HEATR5B: variants seen among roughly 807,000 people sequenced by gnomAD.
HEATR5B encodes HEAT repeat-containing protein 5B.
Under a neutral mutation model 224.1 loss-of-function variants are expected in HEATR5B, and 156 were observed. The observed-to-expected ratio is 0.70, with a 90% confidence interval of 0.61 to 0.80. The LOEUF is 0.80. HEATR5B is among the 30% of genes least tolerant of loss of function. The pLI is 0.00. For missense variants in HEATR5B, 2,323 were observed against 2,535.5 expected (o/e 0.92, Z 1.80); for synonymous variants, 1,027 against 893.0 (o/e 1.15, Z -2.68).
intron 7 of HEATR5B, among the ~76,000 whole-genome samples, chr2:37,069,411 T>A (rs1327916554): frequency 2.0e-5 from 3 of 152,232 alleles, no homozygotes; most frequent in Non-Finnish European, 4.4e-5. Flanking sequence ...TTTCATCTTA[T>A]TAGGTGTTAA....
chr2:37,047,284 C>T lies in HEATR5B; in HGVS notation c.2696+2369G>A, dbSNP rs1670265983. Among the ~76,000 whole-genome samples the T allele has an allele frequency of 2.6e-5, 4 of 152,220 alleles. No individual in the cohort carries two copies. The South Asian group carries it at 8.3e-4, about 32-fold the overall frequency. ...ATCCTTGGATAAGTAATCTTTACCTCTCTAAGCCTCCATTTCTCTAAGTGA... is the reference window on the plus strand; with the variant it reads ...ATCCTTGGATAAGTAATCTTTACCTTTCTAAGCCTCCATTTCTCTAAGTGA... On this transcript the variant is annotated intron_variant, in intron 18 of 35. Transcript: ENST00000233099.
intron 21 of HEATR5B, among the ~76,000 whole-genome samples, chr2:37,037,616 AATTTT>A (rs1475416040): frequency 6.6e-6 from 1 of 152,222 alleles, no homozygotes; most frequent in Non-Finnish European, 1.5e-5. Flanking sequence ...AGTCAATAAT[AATTTT>A]AATTGTACAT....
At chr2:37,084,193 G>A (rs893751750) in intron 1 of HEATR5B, 76 bp downstream of exon 1, 2 of 322,834 alleles carry the variant, frequency 6.2e-6, no homozygotes, top group African/African-American at 4.3e-5. Flanking sequence ...GAACTCAAAT[G>A]TCTTCCCCAC....
rs757984204 is a variant in HEATR5B, at chr2:37,068,834, G to A, written c.1024C>T (p.Arg342Trp). 1 of 1,614,058 alleles carries A rather than the reference G, an allele frequency of 6.2e-7. No homozygotes were observed. ...GCCTCCACATGTGTTTGTGTTGCCCGAGGATGGGAAACCAGATCAAGTACA... is the reference window on the plus strand; with the variant it reads ...GCCTCCACATGTGTTTGTGTTGCCCAAGGATGGGAAACCAGATCAAGTACA... ...SHVLDLVSHPRATQTHVEAVY... is the reference protein window; with the variant it reads ...SHVLDLVSHPWATQTHVEAVY... The change falls in exon 8 of 36, where the codon CGG (arginine) becomes TGG (tryptophan). Residue 342 changes from arginine to tryptophan, a missense_variant. By Grantham distance (101) the Arg-to-Trp change is moderately radical (BLOSUM62 -3). Coordinates refer to ENST00000233099, the MANE Select transcript of HEATR5B (RefSeq NM_019024.3).
At chr2:37,027,810 T>C in intron 24 of HEATR5B, 113 bp downstream of exon 24, 1 of 1,051,434 alleles carries the variant, frequency 9.5e-7, no homozygotes, top group Non-Finnish European at 1.4e-6. Flanking sequence ...TTACAATAAA[T>C]AAATGGCATA....
chr2:37,015,466 G>T (rs1668054767), intron 26 of HEATR5B, among the ~76,000 whole-genome samples: 1 of 152,196 alleles, frequency 6.6e-6, no homozygotes, highest in Non-Finnish European at 1.5e-5. Flanking sequence ...TAAAAAAGGA[G>T]AAGCATCTGA....
intron 12 of HEATR5B, among the ~76,000 whole-genome samples, chr2:37,059,651 A>G (rs1332651845): frequency 6.6e-6 from 1 of 151,562 alleles, no homozygotes; most frequent in Non-Finnish European, 1.5e-5. Context: ...TTTAGTAGAG[A>G]CAAGGTTTCA....
rs554173588 is a variant in HEATR5B at position 36,984,449 on chromosome 2, T to C, written c.5912-2655A>G. Among the ~76,000 whole-genome samples, 15 of 151,604 alleles carry C rather than the reference T, an allele frequency of 9.9e-5. No homozygotes were observed. In the East Asian group the frequency reaches 2.9e-3, roughly 29 times the overall value. On this transcript the variant is annotated intron_variant, in intron 35 of 35. Transcript: ENST00000233099. ...GAATTCACCAAGAGAATCACAAAACTGAGGAATACTTTGGGATTTTATTTG... is the reference window on the plus strand; with the variant it reads ...GAATTCACCAAGAGAATCACAAAACCGAGGAATACTTTGGGATTTTATTTG...
chr2:37,069,414 G>A (rs764758691), intron 7 of HEATR5B, among the ~76,000 whole-genome samples: 4 of 151,928 alleles, frequency 2.6e-5, no homozygotes, highest in Non-Finnish European at 5.9e-5. Flanking sequence ...CATCTTATTA[G>A]GTGTTAATTA....
In HEATR5B at chr2:37,079,240, G is replaced by C. The variant is rs1219824269; in HGVS notation, c.218C>G (p.Ala73Gly). The C allele has an allele frequency of 1.2e-6, 2 of 1,610,042 alleles. No individual in the cohort carries two copies. The highest frequency in any genetic ancestry group is 1.7e-6 in the Non-Finnish European group (2 of 1,176,410). ...SPGPPTRKLL[A>G]KNLAALYSIG... ...GCTATAAAGGGCTGCGAGATTTTTAGCTAATAATTTTCGTGTAGGTGGTCC... is the reference window on the plus strand; with the variant it reads ...GCTATAAAGGGCTGCGAGATTTTTACCTAATAATTTTCGTGTAGGTGGTCC... The change falls in exon 3 of 36, where the codon GCT becomes GGT. Residue 73 changes from alanine to glycine, a missense_variant. Physicochemically the swap from Ala to Gly is moderately conservative, Grantham distance 60 (BLOSUM62 0). This residue lies in a region of HEATR5B where 292 missense variants were observed against 332.6 expected (regional missense o/e 0.88). Coordinates refer to ENST00000233099, the MANE Select transcript of HEATR5B (RefSeq NM_019024.3).
intron 17 of HEATR5B, among the ~76,000 whole-genome samples, chr2:37,050,121 G>A (rs901819521): frequency 6.6e-6 from 1 of 152,062 alleles, no homozygotes; most frequent in South Asian, 2.1e-4. Context: ...TCAAACTCCT[G>A]AGCTCAAGCA....
At position 37,013,973 on chromosome 2, in the gene HEATR5B, A is replaced by G; in HGVS notation, c.4152T>C (p.Asp1384=). The change falls in exon 27 of 36, where the codon GAT becomes GAC. Residue 1384 remains aspartate, a synonymous_variant. Transcript: ENST00000233099. The stretch of plus-strand genomic sequence containing the variant: ...CAAGAAGATTGTGTACTCGACGGAG[A>G]TCATTGAGATCACTGACAACTCCAC... ...IGSGVVSDLN[D]LRRVHNLLVS... is the part of the protein sequence containing the mutation. 7 of 1,609,446 alleles carry G rather than the reference A, an allele frequency of 4.3e-6. No individual in the cohort carries two copies. The highest frequency in any genetic ancestry group is 5.9e-6 in the Non-Finnish European group (7 of 1,177,540).
At chr2:37,020,200 C>T (rs1668382551) in intron 25 of HEATR5B, among the ~76,000 whole-genome samples, 1 of 152,150 alleles carries the variant, frequency 6.6e-6, no homozygotes, top group Non-Finnish European at 1.5e-5. Context: ...CCACCATGCC[C>T]GGCCTCAGTA....
chr2:37,020,129 G>A lies in HEATR5B; in HGVS notation c.4036-252C>T, dbSNP rs954808438. 2.6e-5 allele frequency among the ~76,000 whole-genome samples: 4 copies of A among 152,062 alleles called. No homozygotes were observed. The East Asian group carries it at 5.8e-4, about 22-fold the overall frequency. On this transcript the variant is annotated intron_variant, in intron 25 of 35. Transcript: ENST00000233099. ...CATGTTGGCCTGGCTGGTCTTGAACGCCTGACCTCAAATGATCCACCCACC... is the reference window on the plus strand; with the variant it reads ...CATGTTGGCCTGGCTGGTCTTGAACACCTGACCTCAAATGATCCACCCACC...
intron 7 of HEATR5B, 48 bp downstream of exon 7, chr2:37,070,182 G>C: frequency 6.3e-7 from 1 of 1,589,262 alleles, no homozygotes; most frequent in South Asian, 1.1e-5. Flanking sequence ...TTACAGGCGT[G>C]AGCCACCGTG....
intron 33 of HEATR5B, among the ~76,000 whole-genome samples, chr2:36,998,333 C>T (rs575112266): frequency 2.6e-5 from 4 of 152,166 alleles, no homozygotes; most frequent in Non-Finnish European, 5.9e-5. Context: ...ATGAGTAATG[C>T]AAATTAAAAC....
In HEATR5B at chr2:37,037,145, G is replaced by GAGATGGATAT; in HGVS notation, c.3216+709_3216+710insATATCCATCT. 1.3e-4 allele frequency among the ~76,000 whole-genome samples: 12 copies of GAGATGGATAT among 89,198 alleles called. 2 individuals are homozygous for GAGATGGATAT. In the East Asian group the frequency reaches 2.1e-3, roughly 15 times the overall value. 58.5% of individuals were successfully genotyped at this position (89,198 alleles called of 152,430 possible). On this transcript the variant is annotated intron_variant, in intron 21 of 35. Transcript: ENST00000233099. ...TTCCGAGTAGGAAAACTAAAAATGT[G>GAGATGGATAT]ATATATATATATATTTTGGAGATGG... is the stretch of plus-strand genomic sequence containing the variant.
At chr2:36,992,347 G>A (rs1666387780) in intron 33 of HEATR5B, among the ~76,000 whole-genome samples, 1 of 152,180 alleles carries the variant, frequency 6.6e-6, no homozygotes. Flanking sequence ...TTGGGAAACT[G>A]AATTGGGAGG....
At chr2:37,015,709 AACATTTTTACATGCTGCATTCAAAGTGCC>A (rs1204832951) in intron 26 of HEATR5B, among the ~76,000 whole-genome samples, 2 of 152,206 alleles carry the variant, frequency 1.3e-5, no homozygotes, top group East Asian at 3.8e-4. Flanking sequence ...TTTAATTTTG[AACATTTTTACATGCTGCATTCAAAGTGCC>A]ACTAAGAGAC....
Sources: gnomAD v4.1 joint callset for allele counts (sites outside exome capture counted in the v4.1 genomes callset) on GRCh38, gnomAD v4.1.1 for gene constraint, gnomAD v4.1.1 regional missense constraint, MANE v1.5 for transcripts, NCBI Gene and HGNC (gene_info 2026-07-23, HGNC 2026-07-21) for gene names.